Variants in VEGFB observed in about 807,000 individuals in gnomAD.
VEGFB encodes VEGF-related factor.
VEGFB carries 24 observed loss-of-function variants against 22.5 expected under a neutral mutation model. The observed-to-expected ratio is 1.07, with a 90% CI of 0.77 to 1.50. The LOEUF (loss-of-function observed/expected upper bound fraction) is 1.50. Among genes scored for constraint, VEGFB ranks in the 40% most tolerant of loss-of-function variants. The pLI, the probability that VEGFB is intolerant of heterozygous loss-of-function variation, is 0.00. For synonymous variants in VEGFB, 141 were observed against 117.4 expected (o/e 1.20, Z -1.30); for missense variants, 327 against 287.8 (o/e 1.14, Z -0.99).
At chr11:64,236,035 A>G in intron 3 of VEGFB, 26 bp downstream of exon 3, 1 of 1,561,392 alleles carries the variant, frequency 6.4e-7, no homozygotes, top group Non-Finnish European at 8.7e-7. Context: ...GGCAACGGGC[A>G]GGGGATGCAG....
intron 3 of VEGFB, 63 bp downstream of exon 3, chr11:64,236,072 G>A: frequency 6.5e-7 from 1 of 1,536,288 alleles, no homozygotes; most frequent in Non-Finnish European, 8.8e-7. Flanking sequence ...GCAGCGGGCA[G>A]GGTGGATGCT....
rs1591083202 is a variant in VEGFB at position 64,239,079 on chromosome 11, C to T, written c.*746C>T. Among the ~76,000 whole-genome samples the T allele has an allele frequency of 6.6e-6, 1 of 152,312 alleles. No homozygotes were observed. The highest frequency in any genetic ancestry group is 1.9e-4 in the East Asian group (1 of 5,190). ...GAGACAGCCTTCTGTGGCCAGAGAG[C>T]TTGGGGTAGGACCCAGATCTACTGA... On this transcript the variant is annotated 3_prime_UTR_variant, in exon 7 of 7. Transcript: ENST00000309422.
In VEGFB at chr11:64,235,861, A is replaced by T; in HGVS notation, c.152A>T (p.Glu51Val). Residue 51 changes from glutamate (E) to valine (V), a missense_variant, in exon 3 of 7, where the codon GAG becomes GTG. Coordinates refer to ENST00000309422, the MANE Select transcript of VEGFB (RefSeq NM_003377.5). ...ACTCGCGCTACCTGCCAGCCCCGGG[A>T]GGTGGTGGTGCCCTTGACTGTGGAG... is the stretch of plus-strand genomic sequence containing the variant. The part of the protein sequence containing the change: ...VYTRATCQPR[E>V]VVVPLTVELM... 1 of 1,613,750 alleles carries T rather than the reference A, an allele frequency of 6.2e-7. No homozygotes were observed. Among genetic ancestry groups the T allele is most frequent in the South Asian group, 1.1e-5 (1 of 91,070 alleles).
chr11:64,237,126 G>GAGAGAGAGAGAGAGAGAGAGAGAGAGA lies in VEGFB; in HGVS notation c.375-61_375-60insAGAGAGAGAGAGAGAGAGAGAGAGAGA. 1.8e-5 allele frequency: 13 copies of GAGAGAGAGAGAGAGAGAGAGAGAGAGA among 717,548 alleles called. 4 individuals are homozygous for GAGAGAGAGAGAGAGAGAGAGAGAGAGA. The East Asian group carries it at 4.1e-4, about 23-fold the overall frequency. 44.4% of individuals were successfully genotyped at this position (717,548 alleles called of 1,614,324 possible). On this transcript the variant is annotated intron_variant, in intron 4 of 6. Coordinates refer to ENST00000309422, the MANE Select transcript of VEGFB (RefSeq NM_003377.5). Reference sequence around the variant, plus strand: ...GAGAGAGAGAGAGAGAGAGAGAGTAGGATGCTGGGATTTCCTGATCTTCCT... The same window carrying GAGAGAGAGAGAGAGAGAGAGAGAGAGA: ...GAGAGAGAGAGAGAGAGAGAGAGTAGAGAGAGAGAGAGAGAGAGAGAGAGAGAGATGCTGGGATTTCCTGATCTTCCT...
intron 4 of VEGFB, 60 bp from the exon 5 acceptor site, chr11:64,237,127 G>GAGAGAGAGAGAGAGAGAGAGAGATAT (rs1565318108): frequency 2.5e-6 from 2 of 813,208 alleles, no homozygotes; most frequent in East Asian, 6.3e-5. Context: ...GAGAGAGTAG[G>GAGAGAGAGAGAGAGAGAGAGAGATAT]ATGCTGGGAT....
Position 64,236,657 on chromosome 11 carries a change from C to T in VEGFB, c.374+330C>T, listed in dbSNP as rs1022831359. 2.9e-5 allele frequency among the ~76,000 whole-genome samples: 4 copies of T among 136,194 alleles called. No homozygotes were observed. In the East Asian group the frequency reaches 6.5e-4, roughly 22 times the overall value. 89.3% of individuals were successfully genotyped at this position (136,194 alleles called of 152,430 possible). ...GCATGAACCTGGGAGGCGTAGCTTGCAGTGAGCCAAGATCGTGCCACTGCA... is the reference window on the plus strand; with the variant it reads ...GCATGAACCTGGGAGGCGTAGCTTGTAGTGAGCCAAGATCGTGCCACTGCA... On this transcript the variant is annotated intron_variant, in intron 4 of 6. Transcript: ENST00000309422.
At chr11:64,235,594 G>GTGT in intron 2 of VEGFB, 94 bp downstream of exon 2, 1 of 1,397,980 alleles carries the variant, frequency 7.2e-7, no homozygotes, top group Non-Finnish European at 1.0e-6. Flanking sequence ...AACTCCCCTA[G>GTGT]AAGATTCAAA....
Position 64,236,252 on chromosome 11 carries a change from A to T in VEGFB, c.301-2A>T. ...TCCCCCCTGTTCTTCTCCTGAGCAC[A>T]GATCCTCATGATCCGGTACCCGAGC... On this transcript the variant is annotated splice_acceptor_variant, in intron 3 of 6. Coordinates refer to ENST00000309422, the MANE Select transcript of VEGFB (RefSeq NM_003377.5). LOFTEE classifies it high-confidence loss of function. 6.2e-7 allele frequency: 1 copy of T among 1,613,912 alleles called. No individual in the cohort carries two copies. Among genetic ancestry groups the T allele is most frequent in the Non-Finnish European group, 8.5e-7 (1 of 1,179,966 alleles).
chr11:64,235,380 G>A, intron 1 of VEGFB, 78 bp from the exon 2 acceptor site: 3 of 1,405,614 alleles, frequency 2.1e-6, no homozygotes, highest in Non-Finnish European at 3.0e-6. Flanking sequence ...ACTGATGCAA[G>A]GGCAAAGCCC....
rs776229557 is a variant in VEGFB, at chr11:64,238,361, G to T, written c.*28G>T. On this transcript the variant is annotated 3_prime_UTR_variant, in exon 7 of 7. Coordinates refer to ENST00000309422, the MANE Select transcript of VEGFB (RefSeq NM_003377.5). ...ATCACTTCCTCCCTCCTCAGGTGCC[G>T]GAAGCTGCGAAGGTGACACATGGCT... 5.1e-5 allele frequency: 79 copies of T among 1,536,042 alleles called. 1 individual carries two copies. The East Asian group carries it at 1.8e-3, about 36-fold the overall frequency.
At chr11:64,236,885 C>T (rs1007750454) in intron 4 of VEGFB, among the ~76,000 whole-genome samples, 1 of 148,796 alleles carries the variant, frequency 6.7e-6, no homozygotes, top group African/African-American at 2.5e-5. Flanking sequence ...TTGAGACCAG[C>T]CTGGCCAACA....
Position 64,235,475 on chromosome 11 carries a change from T to A in VEGFB, c.78T>A (p.Pro26=). The part of the protein sequence containing the change: ...LAPAQAPVSQ[P]DAPGHQRKVV... ...TCCCACAGGCCCCTGTCTCCCAGCC[T>A]GATGCCCCTGGCCACCAGAGGAAAG... The change falls in exon 2 of 7, where the codon CCT becomes CCA. Residue 26 remains proline, a synonymous_variant. Transcript: ENST00000309422. The A allele has an allele frequency of 6.2e-7, 1 of 1,613,888 alleles. No homozygotes were observed. Among genetic ancestry groups the A allele is most frequent in the Admixed American group, 1.7e-5 (1 of 60,016 alleles).
At chr11:64,235,708 A>T in intron 2 of VEGFB, 105 bp from the exon 3 acceptor site, 1 of 1,392,694 alleles carries the variant, frequency 7.2e-7, no homozygotes, top group South Asian at 1.2e-5. Flanking sequence ...CAGAGTGGGG[A>T]GGGCTAGTGG....
At position 64,237,183 on chromosome 11, in the gene VEGFB, T is replaced by A; in HGVS notation, c.375-4T>A. On this transcript the variant is annotated splice_polypyrimidine_tract_variant and splice_region_variant and intron_variant, in intron 4 of 6. Transcript: ENST00000309422. ...TGTCTGTGTCTGTCTATCTTACTTT[T>A]CAGACCTAAAAAAAAGGACAGTGCT... The A allele has an allele frequency of 6.2e-7, 1 of 1,604,330 alleles. No homozygotes were observed. The highest frequency in any genetic ancestry group is 2.2e-5 in the East Asian group (1 of 44,628).
intron 4 of VEGFB, 180 bp from the exon 5 acceptor site, chr11:64,237,007 T>G (rs987835616): frequency 6.5e-6 from 3 of 458,380 alleles, no homozygotes; most frequent in East Asian, 4.1e-5. Flanking sequence ...AGCTTGAACC[T>G]GGGAGGCGGA....
At chr11:64,235,633 G>A in intron 2 of VEGFB, 133 bp downstream of exon 2, 1 of 1,276,198 alleles carries the variant, frequency 7.8e-7, no homozygotes, top group South Asian at 1.2e-5. Context: ...CACAGAGGAG[G>A]AAATTGAGGC....
intron 6 of VEGFB, 45 bp downstream of exon 6, chr11:64,237,700 C>A: frequency 2.0e-6 from 3 of 1,483,710 alleles, no homozygotes; most frequent in South Asian, 1.2e-5. Flanking sequence ...GGCACCAAGG[C>A]CCTGTCCTGG....
At chr11:64,237,123 G>GAGAGAGAGAGAAGAGAGAGA (rs1555056104) in intron 4 of VEGFB, 64 bp from the exon 5 acceptor site, 1 of 657,900 alleles carries the variant, frequency 1.5e-6, no homozygotes, top group African/African-American at 2.6e-5. Context: ...GAGAGAGAGA[G>GAGAGAGAGAGAAGAGAGAGA]TAGGATGCTG....
chr11:64,237,992 C>T (rs984031942), intron 6 of VEGFB: 2 of 474,224 alleles, frequency 4.2e-6, no homozygotes, highest in East Asian at 3.4e-5. Flanking sequence ...TTCCAGCTTG[C>T]AGTTCGGGCC....
Sources: allele counts gnomAD v4.1 joint callset (sites outside exome capture counted in the v4.1 genomes callset), GRCh38; gene constraint gnomAD v4.1.1; transcripts MANE v1.5; gene names NCBI Gene and HGNC (gene_info 2026-07-23, HGNC 2026-07-21).